SNTG1: variants seen among roughly 807,000 people sequenced by gnomAD.
SNTG1 encodes the protein gamma-1-syntrophin.
Under a neutral mutation model 74.7 loss-of-function variants are expected in SNTG1, and 39 were observed. That is an observed-to-expected ratio of 0.52 (90% CI 0.40 to 0.68). The LOEUF (loss-of-function observed/expected upper bound fraction) is 0.68, where lower values mean the gene tolerates loss of function less well. Ranked by LOEUF, SNTG1 falls within the 30% of genes least tolerant of loss-of-function variation. The pLI is 0.00. For synonymous variants in SNTG1, 254 were observed against 217.1 expected (o/e 1.17, Z -1.49); for missense variants, 685 against 609.5 (o/e 1.12, Z -1.30).
chr8:50,179,343 C>A (rs1011726768), intron 2 of SNTG1, among the ~76,000 whole-genome samples: 2 of 152,126 alleles, frequency 1.3e-5, no homozygotes, highest in African/African-American at 4.8e-5. Flanking sequence ...TGTGAAAATG[C>A]CATTGAAATT....
chr8:50,607,025 T>C (rs1296647268), intron 13 of SNTG1, among the ~76,000 whole-genome samples: 1 of 151,940 alleles, frequency 6.6e-6, no homozygotes, highest in Non-Finnish European at 1.5e-5. Context: ...CTGAGAGACA[T>C]TGATATGCAG....
intron 1 of SNTG1, among the ~76,000 whole-genome samples, chr8:50,162,174 A>C (rs62516680): frequency 0.024 from 3,586 of 152,280 alleles, 107 homozygotes; most frequent in Middle Eastern, 0.031. Flanking sequence ...TTCTTGTCAG[A>C]GCAGCTCTGT....
intron 2 of SNTG1, among the ~76,000 whole-genome samples, chr8:50,237,546 T>C (rs2085969401): frequency 6.6e-6 from 1 of 152,136 alleles, no homozygotes; most frequent in Non-Finnish European, 1.5e-5. Context: ...AAAACAGACC[T>C]TATAGAAAAG....
intron 1 of SNTG1, among the ~76,000 whole-genome samples, chr8:49,912,520 A>G (rs1271197837): frequency 6.6e-6 from 1 of 152,218 alleles, no homozygotes; most frequent in Non-Finnish European, 1.5e-5. Context: ...AACTAATGCA[A>G]TCGTTTGGCA....
Position 50,161,725 on chromosome 8 carries a change from C to A in SNTG1, c.-102-10836C>A, listed in dbSNP as rs78461804. Among the ~76,000 whole-genome samples the A allele has an allele frequency of 3.4e-3, 510 of 150,884 alleles. 2 individuals are homozygous for A. Among genetic ancestry groups the A allele is most frequent in the African/African-American group, 0.012 (497 of 41,094 alleles). On this transcript the variant is annotated intron_variant, in intron 1 of 18. Coordinates refer to ENST00000642720, the MANE Select transcript of SNTG1 (RefSeq NM_018967.5). ...GAAAGCCCTTGTCTAGTGAGGGAAGCATTCCCACAAAAAAGGTATGGAAGA... is the reference window on the plus strand; with the variant it reads ...GAAAGCCCTTGTCTAGTGAGGGAAGAATTCCCACAAAAAAGGTATGGAAGA...
intron 13 of SNTG1, 36 bp downstream of exon 13, chr8:50,590,953 T>G (rs1230148200): frequency 1.4e-6 from 2 of 1,439,924 alleles, no homozygotes; most frequent in South Asian, 1.4e-5. Context: ...CTAAATAATA[T>G]ATTTCTTTAA....
chr8:50,652,225 A>G (rs1172708561), intron 13 of SNTG1, among the ~76,000 whole-genome samples: 1 of 152,190 alleles, frequency 6.6e-6, no homozygotes, highest in African/African-American at 2.4e-5. Context: ...TATCACCTAA[A>G]TATAATGATA....
intron 15 of SNTG1, among the ~76,000 whole-genome samples, chr8:50,696,354 G>T (rs531627027): frequency 1.1e-4 from 16 of 152,116 alleles, no homozygotes; most frequent in Admixed American, 1.0e-3. Context: ...GTTCCTCATA[G>T]ATTCTGGATA....
chr8:50,502,323 T>C (rs2093967362), intron 8 of SNTG1, among the ~76,000 whole-genome samples: 1 of 152,206 alleles, frequency 6.6e-6, no homozygotes. Context: ...ATTTTTATGC[T>C]TTTCGAATCA....
chr8:50,713,650 T>G (rs897559052), intron 17 of SNTG1, among the ~76,000 whole-genome samples: 2 of 152,224 alleles, frequency 1.3e-5, no homozygotes, highest in African/African-American at 2.4e-5. Context: ...TATATTTAAG[T>G]CTTACGTTTA....
chr8:50,413,263 G>A (rs1377288232), intron 4 of SNTG1, among the ~76,000 whole-genome samples: 1 of 152,128 alleles, frequency 6.6e-6, no homozygotes, highest in Non-Finnish European at 1.5e-5. Flanking sequence ...GATGCATAGA[G>A]GCATAGATGG....
intron 2 of SNTG1, among the ~76,000 whole-genome samples, chr8:50,250,714 TA>T (rs1172749192): frequency 1.3e-5 from 2 of 151,634 alleles, no homozygotes; most frequent in East Asian, 1.9e-4. Flanking sequence ...CAAACAAAAA[TA>T]AAAAATTTCT....
intron 5 of SNTG1, among the ~76,000 whole-genome samples, chr8:50,444,609 G>T (rs4873146): frequency 0.83 from 125,777 of 151,956 alleles, 52,499 homozygotes; most frequent in Non-Finnish European, 0.89. Flanking sequence ...AATTATCCAG[G>T]CGTGGTGGCA....
rs536722411 is a variant in SNTG1, at chr8:50,280,924, C to T, written c.-28+108289C>T. Among the ~76,000 whole-genome samples, 23 of 131,968 alleles carry T rather than the reference C, an allele frequency of 1.7e-4. No homozygotes were observed. In the South Asian group the frequency reaches 1.8e-3, roughly 11 times the overall value. 86.6% of individuals were successfully genotyped at this position (131,968 alleles called of 152,430 possible). On this transcript the variant is annotated intron_variant, in intron 2 of 18. Coordinates refer to ENST00000642720, the MANE Select transcript of SNTG1 (RefSeq NM_018967.5). ...ATCCCAGCACTCTGGGAGGCCGAGG[C>T]GGGTGGATCATGAGGTCAGGAGATC...
chr8:50,347,305 T>A (rs770471967), intron 2 of SNTG1, among the ~76,000 whole-genome samples: 1 of 152,164 alleles, frequency 6.6e-6, no homozygotes, highest in Non-Finnish European at 1.5e-5. Flanking sequence ...AAAAAACAAA[T>A]CCTGAGTAGC....
intron 8 of SNTG1, among the ~76,000 whole-genome samples, chr8:50,475,460 G>T (rs1438385329): frequency 6.6e-6 from 1 of 152,114 alleles, no homozygotes; most frequent in African/African-American, 2.4e-5. Flanking sequence ...TCCTCCTTGT[G>T]CATTTGCCTA....
intron 3 of SNTG1, among the ~76,000 whole-genome samples, chr8:50,401,601 G>A (rs191349772): frequency 2.3e-4 from 35 of 152,094 alleles, no homozygotes; most frequent in Admixed American, 1.8e-3. Flanking sequence ...GTGTGTGTGT[G>A]TGTATGTGAG....
At chr8:50,085,897 TG>T (rs1468657990) in intron 1 of SNTG1, among the ~76,000 whole-genome samples, 2 of 152,200 alleles carry the variant, frequency 1.3e-5, no homozygotes, top group Admixed American at 6.6e-5. Context: ...TCTCTGACAC[TG>T]GGGCCTTGTC....
At chr8:50,520,821 G>T (rs950545384) in intron 9 of SNTG1, among the ~76,000 whole-genome samples, 1 of 152,188 alleles carries the variant, frequency 6.6e-6, no homozygotes, top group African/African-American at 2.4e-5. Context: ...TACACTGTTG[G>T]TGGGAGTGTA....
Sources: allele counts gnomAD v4.1 joint callset (sites outside exome capture counted in the v4.1 genomes callset), GRCh38; gene constraint gnomAD v4.1.1; transcripts MANE v1.5; gene names NCBI Gene and HGNC (gene_info 2026-07-23, HGNC 2026-07-21).